Variants in SMCHD1 observed in about 807,000 individuals in gnomAD.
SMCHD1 encodes structural maintenance of chromosomes flexible hinge domain containing 1.
Under a neutral mutation model 254.7 loss-of-function variants are expected in SMCHD1, and 78 were observed. That is an observed-to-expected ratio of 0.31 (90% CI 0.26 to 0.37). SMCHD1 has a LOEUF of 0.37. Ranked by LOEUF, SMCHD1 falls within the 10% of genes least tolerant of loss-of-function variation. The pLI is 1.00. For missense variants in SMCHD1, 1,840 were observed against 2,408.1 expected, an observed-to-expected ratio of 0.76 and a Z score of 4.94; for synonymous variants, 766 against 794.9, an observed-to-expected ratio of 0.96 and a Z score of 0.61.
intron 7 of SMCHD1, among the ~76,000 whole-genome samples, chr18:2,693,293 A>T (rs73365809): frequency 0.024 from 3,703 of 152,308 alleles, 136 homozygotes; most frequent in African/African-American, 0.083. Context: ...ACAGGGATGC[A>T]TTCTGAGAAA....
At chr18:2,681,660 A>T (rs970998422) in intron 5 of SMCHD1, among the ~76,000 whole-genome samples, 4 of 151,972 alleles carry the variant, frequency 2.6e-5, no homozygotes, top group African/African-American at 9.7e-5. Context: ...GGGCACTATA[A>T]GAATTATTGC....
chr18:2,767,737 G>A (rs140715790), intron 37 of SMCHD1, among the ~76,000 whole-genome samples: 17 of 151,682 alleles, frequency 1.1e-4, no homozygotes, highest in East Asian at 3.9e-4. Context: ...CTACAGGCGC[G>A]TGCCCACCAC....
chr18:2,726,411 A>G (rs2075028086), intron 21 of SMCHD1, 41 bp from the exon 22 acceptor site: 1 of 1,119,410 alleles, frequency 8.9e-7, no homozygotes, highest in Non-Finnish European at 1.3e-6. Flanking sequence ...TTAAGTATGT[A>G]TTCAGGACTG....
chr18:2,688,331 T>G lies in SMCHD1; in HGVS notation c.639-63T>G, dbSNP rs183051354. ...TTATTAACACTGAATACAAGTGCAATGAAAGTTTCTTTTGACACTTAACTA... is the reference window on the plus strand; with the variant it reads ...TTATTAACACTGAATACAAGTGCAAGGAAAGTTTCTTTTGACACTTAACTA... On this transcript the variant is annotated intron_variant, in intron 5 of 47. Transcript: ENST00000320876. 61 of 1,148,538 alleles carry G rather than the reference T, an allele frequency of 5.3e-5. No individual in the cohort carries two copies. The East Asian group carries it at 1.2e-3, about 22-fold the overall frequency. The allele number at this position is 1,148,538 out of a possible 1,614,324, so 71.1% of individuals were successfully genotyped here.
At chr18:2,776,049 G>C (rs1379905391) in intron 42 of SMCHD1, 125 bp downstream of exon 42, 1 of 836,828 alleles carries the variant, frequency 1.2e-6, no homozygotes, top group African/African-American at 1.8e-5. Context: ...AATTATATAC[G>C]TTATTTTTGT....
chr18:2,775,689 A>G, intron 41 of SMCHD1, 45 bp from the exon 42 acceptor site: 1 of 1,508,990 alleles, frequency 6.6e-7, no homozygotes, highest in South Asian at 1.3e-5. Flanking sequence ...TCAAATTTTT[A>G]TATATGGATT....
chr18:2,676,487 G>A (rs1200426170), intron 5 of SMCHD1, among the ~76,000 whole-genome samples: 1 of 152,144 alleles, frequency 6.6e-6, no homozygotes, highest in Non-Finnish European at 1.5e-5. Context: ...CACCAGCAAA[G>A]CAAAGACTGA....
chr18:2,732,407 A>G lies in SMCHD1; in HGVS notation c.3191A>G (p.Asp1064Gly). The G allele has an allele frequency of 6.2e-7, 1 of 1,613,422 alleles. No homozygotes were observed. The highest frequency in any genetic ancestry group is 1.1e-5 in the South Asian group (1 of 91,062). Residue 1064 changes from aspartate (D) to glycine (G), a missense_variant, in exon 25 of 48, where the codon GAT becomes GGT. Physicochemically the swap from Asp to Gly is moderately conservative, Grantham distance 94 (BLOSUM62 -1). This residue lies in a region of SMCHD1 where 881 missense variants were observed against 1,009.5 expected (regional missense o/e 0.87). Coordinates refer to ENST00000320876, the MANE Select transcript of SMCHD1 (RefSeq NM_015295.3). Reference protein sequence around the residue: ...HQDEVNWIAGDIMHNLIFQMY... With the variant: ...HQDEVNWIAGGIMHNLIFQMY... ...GATGAGGTTAATTGGATAGCGGGTGATATTATGCATAATCTTATTTTTCAA... is the reference window on the plus strand; with the variant it reads ...GATGAGGTTAATTGGATAGCGGGTGGTATTATGCATAATCTTATTTTTCAA...
chr18:2,729,582 A>G (rs932444472), intron 24 of SMCHD1, among the ~76,000 whole-genome samples, 173 bp downstream of exon 24: 12 of 152,142 alleles, frequency 7.9e-5, no homozygotes, highest in Non-Finnish European at 1.0e-4. Flanking sequence ...CTATTTTAAC[A>G]TTTTGTGTCA....
At chr18:2,752,102 A>C (rs2075585291) in intron 33 of SMCHD1, among the ~76,000 whole-genome samples, 1 of 152,174 alleles carries the variant, frequency 6.6e-6, no homozygotes, top group Non-Finnish European at 1.5e-5. Context: ...AAAGTTTATC[A>C]GTGTCCTGAT....
chr18:2,659,660 T>C (rs2073183482), intron 1 of SMCHD1, among the ~76,000 whole-genome samples: 2 of 152,072 alleles, frequency 1.3e-5, no homozygotes, highest in Non-Finnish European at 1.5e-5. Context: ...GTCTACATTT[T>C]CCTTTGTGTG....
At position 2,701,143 on chromosome 18, in the gene SMCHD1, A is replaced by G. The variant is rs75987512; in HGVS notation, c.1647+225A>G. 4.5e-3 allele frequency: 1,552 copies of G among 342,382 alleles called. 26 individuals are homozygous for G. Among genetic ancestry groups the G allele is most frequent in the African/African-American group, 0.03 (1,423 of 47,170 alleles). 21.2% of individuals were successfully genotyped at this position (342,382 alleles called of 1,614,324 possible). ...AAGACTAGGTTTGGATAGAATTTAC[A>G]TATCTTCATTAGTTTTTTTTGTTTT... On this transcript the variant is annotated intron_variant, in intron 12 of 47. Transcript: ENST00000320876.
intron 7 of SMCHD1, among the ~76,000 whole-genome samples, chr18:2,693,661 C>T (rs1355302380): frequency 4.0e-5 from 6 of 151,454 alleles, no homozygotes; most frequent in African/African-American, 1.5e-4. Flanking sequence ...TTTTTTGAGA[C>T]ATGCTTGTTG....
Position 2,728,459 on chromosome 18 carries a change from C to T in SMCHD1, c.2776C>T (p.His926Tyr), listed in dbSNP as rs779158688. Residue 926 changes from histidine to tyrosine, a missense_variant and splice_region_variant, in exon 23 of 48, where the codon CAC (histidine) becomes TAC (tyrosine). His to Tyr is a moderately conservative substitution (Grantham distance 83). Coordinates refer to ENST00000320876, the MANE Select transcript of SMCHD1 (RefSeq NM_015295.3). ...QILKIRLLPG[H>Y]PRRLKVKPDS... Reference sequence around the variant, plus strand: ...TTCATTGTATAATTTACTGTTAGGTCACCCTCGTCGACTGAAAGTGAAACC... The same window carrying T: ...TTCATTGTATAATTTACTGTTAGGTTACCCTCGTCGACTGAAAGTGAAACC... The T allele has an allele frequency of 1.2e-6, 2 of 1,611,944 alleles. No individual in the cohort carries two copies. The highest frequency in any genetic ancestry group is 1.7e-6 in the Non-Finnish European group (2 of 1,179,074).
chr18:2,770,826 G>A (rs1216341873), intron 39 of SMCHD1, among the ~76,000 whole-genome samples: 7 of 151,902 alleles, frequency 4.6e-5, no homozygotes, highest in East Asian at 3.9e-4. Context: ...TCACCATGTT[G>A]GCCGGGCTGG....
chr18:2,699,718 C>T (rs1306437570), intron 10 of SMCHD1, among the ~76,000 whole-genome samples: 3 of 152,114 alleles, frequency 2.0e-5, no homozygotes, highest in Non-Finnish European at 4.4e-5. Flanking sequence ...TCAAATGCTG[C>T]CTTAAAAAGA....
chr18:2,771,444 A>G lies in SMCHD1; in HGVS notation c.4967-89A>G, dbSNP rs576739125. 4.5e-5 allele frequency: 45 copies of G among 999,784 alleles called. 1 individual carries two copies. In the South Asian group the frequency reaches 6.8e-4, roughly 15 times the overall value. The allele number at this position is 999,784 out of a possible 1,614,324, so 61.9% of individuals were successfully genotyped here. On this transcript the variant is annotated intron_variant, in intron 39 of 47. Coordinates refer to ENST00000320876, the MANE Select transcript of SMCHD1 (RefSeq NM_015295.3). Reference sequence around the variant, plus strand: ...ATTTTAGCAACAGACATTAAAAGGAAAAAACAAAAGGAACTTTAAAATATT... The same window carrying G: ...ATTTTAGCAACAGACATTAAAAGGAGAAAACAAAAGGAACTTTAAAATATT...
At chr18:2,777,351 C>G (rs1247986739) in intron 42 of SMCHD1, among the ~76,000 whole-genome samples, 1 of 152,184 alleles carries the variant, frequency 6.6e-6, no homozygotes. Context: ...TTATCATCTA[C>G]TGGCTTCAAT....
At chr18:2,700,364 TGACA>T (rs1327662944) in intron 10 of SMCHD1, among the ~76,000 whole-genome samples, 171 bp from the exon 11 acceptor site, 2 of 152,228 alleles carry the variant, frequency 1.3e-5, no homozygotes, top group African/African-American at 4.8e-5. Flanking sequence ...GACTTCTAAA[TGACA>T]GACAGCATTC....
Sources: allele counts gnomAD v4.1 joint callset (sites outside exome capture counted in the v4.1 genomes callset), GRCh38; gene constraint gnomAD v4.1.1; regional missense constraint gnomAD v4.1.1; transcripts MANE v1.5; gene names NCBI Gene and HGNC (gene_info 2026-07-23, HGNC 2026-07-21).